The following BRAT1 variants were observed in gnomAD, a reference collection of about 807,000 sequenced individuals.
BRAT1 encodes the protein BRCA1 associated ATM activator 1, also known as integrator complex assembly factor BRAT1.
In BRAT1, 74 loss-of-function variants were observed where a neutral mutation model predicts 70.6. The ratio of observed to expected loss-of-function variants is 1.05; its 90% CI spans 0.87 to 1.27. BRAT1 has a LOEUF of 1.27. Among genes scored for constraint, BRAT1 ranks in the 50% most tolerant of loss-of-function variants. The probability of loss-of-function intolerance (pLI) is 0.00; values close to 1 mark genes in which losing one functional copy is unlikely to be tolerated. For synonymous variants in BRAT1, 615 were observed against 517.1 expected (o/e 1.19, Z -2.57); for missense variants, 1,203 against 1,098.2 (o/e 1.10, Z -1.35).
Position 2,539,806 on chromosome 7 carries a change from A to T in BRAT1, c.1478T>A (p.Leu493His). 6.2e-7 allele frequency: 1 copy of T among 1,611,792 alleles called. No homozygotes were observed. Among genetic ancestry groups the T allele is most frequent in the South Asian group, 1.1e-5 (1 of 90,504 alleles). The change falls in exon 11 of 14, where the codon CTC becomes CAC. Residue 493 changes from leucine (L) to histidine (H), a missense_variant. By Grantham distance (99) the Leu-to-His change is moderately conservative. Transcript: ENST00000340611. ...KTPGCSDLGP[L>H]IPQFLRELFP... ...GTTACCTCTGAGGAACTGCGGGATG[A>T]GGGGGCCGAGATCAGAGCAGCCGGG...
intron 2 of BRAT1, among the ~76,000 whole-genome samples, chr7:2,551,628 C>T (rs1238387595): frequency 6.6e-6 from 1 of 150,466 alleles, no homozygotes; most frequent in African/African-American, 2.4e-5. Flanking sequence ...TGCAGTGAGC[C>T]GTGTTCACGC....
In BRAT1 at chr7:2,538,030, C is replaced by T. The variant is rs781049787; in HGVS notation, c.*39G>A. On this transcript the variant is annotated 3_prime_UTR_variant, in exon 14 of 14. Coordinates refer to ENST00000340611, the MANE Select transcript of BRAT1 (RefSeq NM_152743.4). ...CCCACAGAAGGACATGGTGCTGCCTCCCTTGGTCCTGAGCCCCAGTGGCAG... is the reference window on the plus strand; with the variant it reads ...CCCACAGAAGGACATGGTGCTGCCTTCCTTGGTCCTGAGCCCCAGTGGCAG... The T allele has an allele frequency of 9.2e-6, 14 of 1,513,850 alleles. No individual in the cohort carries two copies. Among genetic ancestry groups the T allele is most frequent in the Non-Finnish European group, 1.2e-5 (14 of 1,129,714 alleles). 93.8% of individuals were successfully genotyped at this position (1,513,850 alleles called of 1,614,324 possible).
chr7:2,549,317 C>A (rs138994458), intron 2 of BRAT1, among the ~76,000 whole-genome samples: 72 of 151,480 alleles, frequency 4.8e-4, no homozygotes, highest in African/African-American at 1.6e-3. Flanking sequence ...AAGATCCCCT[C>A]TCTATAAAAA....
chr7:2,552,106 A>ATTTTTT (rs1174942520), intron 2 of BRAT1, among the ~76,000 whole-genome samples: 6 of 14,218 alleles, frequency 4.2e-4, no homozygotes, highest in African/African-American at 6.8e-4. Context: ...ATATATATAT[A>ATTTTTT]TTTTTTTTTT....
intron 10 of BRAT1, chr7:2,540,434 G>C (rs1462061303): frequency 6.4e-6 from 1 of 155,728 alleles, no homozygotes; most frequent in Non-Finnish European, 1.4e-5. Flanking sequence ...AGGAGGAGGT[G>C]GTGGCAGCCC....
Position 2,545,029 on chromosome 7 carries a change from C to G in BRAT1, c.310G>C (p.Gly104Arg). The G allele has an allele frequency of 6.6e-7, 1 of 1,520,748 alleles. No homozygotes were observed. The highest frequency in any genetic ancestry group is 8.8e-7 in the Non-Finnish European group (1 of 1,133,416). 94.2% of individuals were successfully genotyped at this position (1,520,748 alleles called of 1,614,324 possible). A position where few individuals can be genotyped will look rare whatever the true frequency, so the allele number is the denominator to read the frequency against. Residue 104 changes from glycine to arginine, a missense_variant, in exon 4 of 14, where the codon GGG (glycine) becomes CGG (arginine). Coordinates refer to ENST00000340611, the MANE Select transcript of BRAT1 (RefSeq NM_152743.4). ...QQGELLPGLF[G>R]EPGPLGRATW... ...GCTCGGCCGAGGGGTCCTGGCTCCC[C>G]AAAGAGCCCTGGTAGTAACTCCCCC...
In BRAT1 at chr7:2,538,200, G is replaced by C. The variant is rs1469493979; in HGVS notation, c.2335C>G (p.Leu779Val). 1.4e-5 allele frequency: 22 copies of C among 1,609,748 alleles called. No individual in the cohort carries two copies. In the Admixed American group the frequency reaches 3.7e-4, roughly 27 times the overall value. The stretch of plus-strand genomic sequence containing the variant: ...GTGCTCCGCAGGCCCTCCAGGTCTA[G>C]GGACCTGAGCATGGCCAGCACAGCC... The part of the protein sequence containing the change: ...PEAVLAMLRS[L>V]DLEGLRSTLA... Residue 779 changes from leucine to valine, a missense_variant, in exon 14 of 14, where the codon CTA (leucine) becomes GTA (valine). Leu to Val is a conservative substitution (Grantham distance 32). Coordinates refer to ENST00000340611, the MANE Select transcript of BRAT1 (RefSeq NM_152743.4).
intron 1 of BRAT1, among the ~76,000 whole-genome samples, 179 bp from the exon 2 acceptor site, chr7:2,554,626 T>G (rs1253101088): frequency 1.3e-5 from 2 of 152,070 alleles, no homozygotes; most frequent in African/African-American, 4.8e-5. Flanking sequence ...ATGCAAAGCT[T>G]TGGTCTAGGT....
chr7:2,543,966 G>C lies in BRAT1; in HGVS notation c.431-4C>G. On this transcript the variant is annotated splice_region_variant and splice_polypyrimidine_tract_variant and intron_variant, in intron 4 of 13. Transcript: ENST00000340611. This position sits in a 1 kb window ranked among gnomAD's most constrained non-coding sequence, Gnocchi z 5.5. ...GAGAAGATGGTGTCGACCGCACCTG[G>C]GTAGGGGATGGGGGAAGAGAGGGAA... is the stretch of plus-strand genomic sequence containing the variant. 1 of 1,558,712 alleles carries C rather than the reference G, an allele frequency of 6.4e-7. No homozygotes were observed. The highest frequency in any genetic ancestry group is 8.7e-7 in the Non-Finnish European group (1 of 1,146,192).
At chr7:2,554,189 T>C in intron 2 of BRAT1, 116 bp downstream of exon 2, 3 of 1,367,120 alleles carry the variant, frequency 2.2e-6, no homozygotes, top group Non-Finnish European at 3.0e-6. Context: ...GACATCTGAT[T>C]GGCAGTTTCT....
Position 2,538,488 on chromosome 7 carries a change from C to T in BRAT1, c.2047G>A (p.Ala683Thr). 6.2e-7 allele frequency: 1 copy of T among 1,611,796 alleles called. No homozygotes were observed. Among genetic ancestry groups the T allele is most frequent in the Non-Finnish European group, 8.5e-7 (1 of 1,179,858 alleles). The stretch of plus-strand genomic sequence containing the variant: ...GCCTCGGTGAGTGGCTGGGCTGGGG[C>T]CACCTCGGGTAGGGCCACGGCATAG... ...CPYAVALPEV[A>T]PAQPLTEALR... The change falls in exon 14 of 14, where the codon GCC (alanine) becomes ACC (threonine). Residue 683 changes from alanine to threonine, a missense_variant. Transcript: ENST00000340611.
In BRAT1 at chr7:2,541,793, T is replaced by G; in HGVS notation, c.1059A>C (p.Thr353=). 6.2e-7 allele frequency: 1 copy of G among 1,612,500 alleles called. No homozygotes were observed. Among genetic ancestry groups the G allele is most frequent in the African/African-American group, 1.3e-5 (1 of 74,898 alleles). Residue 353 remains threonine (T), a synonymous_variant, in exon 8 of 14, where the codon ACA becomes ACC. Transcript: ENST00000340611. ...CGCAGGACGACTTGGAGGCCAGGAG[T>G]GTGTCCACCGTCGTGGCATCGTCTG... ...GTADDATTVD[T]LLASKSSCAG...
rs1562582288 is a variant in BRAT1, at chr7:2,544,933, C to T, written c.406G>A (p.Ala136Thr). 32 of 1,553,146 alleles carry T rather than the reference C, an allele frequency of 2.1e-5. No individual in the cohort carries two copies. The highest frequency in any genetic ancestry group is 7.2e-5 in the East Asian group (3 of 41,524). ...GLRSLAQHPS[A>T]LRFLADHGAV... ...CCATGGTCGGCCAGGAAGCGCAGGG[C>T]GCTGGGGTGCTGTGCCAGGGAGCGC... The change falls in exon 4 of 14, where the codon GCC becomes ACC. Residue 136 changes from alanine to threonine, a missense_variant. By Grantham distance (58) the Ala-to-Thr change is moderately conservative. Coordinates refer to ENST00000340611, the MANE Select transcript of BRAT1 (RefSeq NM_152743.4).
intron 2 of BRAT1, among the ~76,000 whole-genome samples, chr7:2,551,439 C>T (rs1299695788): frequency 6.6e-6 from 1 of 151,700 alleles, no homozygotes; most frequent in Non-Finnish European, 1.5e-5. Context: ...TCCTGTAATC[C>T]CAGCACTTTG....
intron 2 of BRAT1, among the ~76,000 whole-genome samples, chr7:2,551,831 C>T (rs1196170562): frequency 6.6e-6 from 1 of 151,180 alleles, no homozygotes; most frequent in Non-Finnish European, 1.5e-5. Context: ...AAAGTCTCAA[C>T]AGCTATAAAG....
chr7:2,540,970 C>A lies in BRAT1; in HGVS notation c.1395+9G>T. 6.5e-7 allele frequency: 1 copy of A among 1,542,644 alleles called. No individual in the cohort carries two copies. Among genetic ancestry groups the A allele is most frequent in the Non-Finnish European group, 8.6e-7 (1 of 1,156,326 alleles). On this transcript the variant is annotated intron_variant, in intron 10 of 13. Coordinates refer to ENST00000340611, the MANE Select transcript of BRAT1 (RefSeq NM_152743.4). ...CTCCTCTCCTCGCTCTCTATCCCCA[C>A]CACCGTACCGTGGGGCTGGAGCCGG...
At chr7:2,549,785 T>C (rs1427320554) in intron 2 of BRAT1, among the ~76,000 whole-genome samples, 3 of 152,128 alleles carry the variant, frequency 2.0e-5, no homozygotes, top group Non-Finnish European at 2.9e-5. Context: ...AAAGACACAG[T>C]AGGCAAATTC....
In BRAT1 at chr7:2,543,538, G is replaced by A. The variant is rs566882937; in HGVS notation, c.803+52C>T. The A allele has an allele frequency of 1.0e-4, 153 of 1,496,900 alleles. No individual in the cohort carries two copies. In the African/African-American group the frequency reaches 1.6e-3, roughly 15 times the overall value. 92.7% of individuals were successfully genotyped at this position (1,496,900 alleles called of 1,614,324 possible). A position where few individuals can be genotyped will look rare whatever the true frequency, so the allele number is the denominator to read the frequency against. ...AGTGGGACATCCCTGGGCGTTATCC[G>A]AGGAAAACAGTTGCCCACCCAGGCC... On this transcript the variant is annotated intron_variant, in intron 5 of 13. Transcript: ENST00000340611. The surrounding 1 kb of genome is among the most constrained non-coding windows in gnomAD (Gnocchi z 5.5).
intron 12 of BRAT1, 39 bp downstream of exon 12, chr7:2,539,505 C>A: frequency 6.6e-7 from 1 of 1,523,600 alleles, no homozygotes; most frequent in Non-Finnish European, 8.9e-7. Flanking sequence ...GAGCCCCCCA[C>A]AGGCGGGGAA....
Sources: allele counts gnomAD v4.1 joint callset (sites outside exome capture counted in the v4.1 genomes callset), GRCh38; gene constraint gnomAD v4.1.1; non-coding constraint Gnocchi (gnomAD v3.1); transcripts MANE v1.5; gene names NCBI Gene and HGNC (gene_info 2026-07-23, HGNC 2026-07-21).